The following PKD1L3 variants were observed in gnomAD, a reference collection of about 807,000 sequenced individuals.
PKD1L3 encodes the protein polycystin 1 like 3, transient receptor potential channel interacting, also known as polycystin-1-like protein 3.
Under a neutral mutation model 184.1 loss-of-function variants are expected in PKD1L3, and 239 were observed. That is an observed-to-expected ratio of 1.30 (90% CI 1.17 to 1.45). The LOEUF is 1.45. Among genes scored for constraint, PKD1L3 ranks in the 40% most tolerant of loss-of-function variants. PKD1L3 has a pLI of 0.00. For missense variants in PKD1L3, 2,660 were observed against 2,067.2 expected (o/e 1.29, Z -5.56); for synonymous variants, 996 against 778.8 (o/e 1.28, Z -4.64).
At chr16:71,980,806 G>A (rs531392684) in intron 7 of PKD1L3, among the ~76,000 whole-genome samples, 13 of 152,178 alleles carry the variant, frequency 8.5e-5, no homozygotes, top group Non-Finnish European at 1.6e-4. Context: ...CTGCACTCCA[G>A]CCTGGGCAAC....
chr16:71,952,645 G>C (rs1597310049), intron 18 of PKD1L3, among the ~76,000 whole-genome samples: 1 of 150,572 alleles, frequency 6.6e-6, no homozygotes, highest in African/African-American at 2.4e-5. Flanking sequence ...GACCAGCCTG[G>C]GTAACATGGT....
At chr16:71,979,067 A>G (rs747946090) in intron 9 of PKD1L3, among the ~76,000 whole-genome samples, 1 of 152,234 alleles carries the variant, frequency 6.6e-6, no homozygotes, top group Non-Finnish European at 1.5e-5. Flanking sequence ...TTGTCAGGTA[A>G]CTGCTGAAAG....
chr16:71,991,956 GACC>G (rs947209155), intron 3 of PKD1L3, among the ~76,000 whole-genome samples: 5 of 152,122 alleles, frequency 3.3e-5, no homozygotes, highest in South Asian at 2.1e-4. Flanking sequence ...TATAGGCATG[GACC>G]ACCACATCTA....
rs1226164938 is a variant in PKD1L3 at position 71,933,959 on chromosome 16, A to T, written c.4780T>A (p.Phe1594Ile). The T allele has an allele frequency of 6.4e-7, 1 of 1,551,568 alleles. No homozygotes were observed. Among genetic ancestry groups the T allele is most frequent in the South Asian group, 1.2e-5 (1 of 84,050 alleles). ...AGCAGGATTAGGATGATCAGCAGAA[A>T]GCCCACCACCTCGTCCCAGGCTCGG... ...LSRAWDEVVGFLLIILILLTG... is the reference protein window; with the variant it reads ...LSRAWDEVVGILLIILILLTG... The change falls in exon 27 of 30, where the codon TTT becomes ATT. Residue 1594 changes from phenylalanine (F) to isoleucine (I), a missense_variant. Phe to Ile is a conservative substitution (Grantham distance 21). Transcript: ENST00000620267.
intron 15 of PKD1L3, among the ~76,000 whole-genome samples, chr16:71,966,387 C>T (rs1177806399): frequency 6.6e-6 from 1 of 151,798 alleles, no homozygotes; most frequent in Non-Finnish European, 1.5e-5. Flanking sequence ...AGGCACATCT[C>T]ATACAGTAAT....
chr16:71,981,492 T>C (rs186455213), intron 7 of PKD1L3, among the ~76,000 whole-genome samples: 395 of 151,382 alleles, frequency 2.6e-3, no homozygotes, highest in Non-Finnish European at 4.4e-3. Flanking sequence ...ATAGCAAACA[T>C]AACCTGTTGA....
chr16:72,000,019 A>G lies in PKD1L3; in HGVS notation c.-41T>C. ...GCAAGAAAAAGTGTGGGGGTTTAGC[A>G]GCTGCCTGGTCCTTTAAATATATAT... On this transcript the variant is annotated 5_prime_UTR_variant, in exon 1 of 30. Coordinates refer to ENST00000620267, the MANE Select transcript of PKD1L3 (RefSeq NM_181536.2). 1.4e-6 allele frequency: 2 copies of G among 1,426,164 alleles called. No individual in the cohort carries two copies. Among genetic ancestry groups the G allele is most frequent in the Non-Finnish European group, 1.9e-6 (2 of 1,066,894 alleles). 88.3% of individuals were successfully genotyped at this position (1,426,164 alleles called of 1,614,324 possible). A position where few individuals can be genotyped will look rare whatever the true frequency, so the allele number is the denominator to read the frequency against.
At chr16:71,944,540 A>G (rs762045439) in intron 22 of PKD1L3, among the ~76,000 whole-genome samples, 11 of 152,036 alleles carry the variant, frequency 7.2e-5, no homozygotes, top group Non-Finnish European at 1.5e-4. Flanking sequence ...AAAATTAGCC[A>G]GGCATAGTGG....
chr16:71,992,075 C>T (rs2143856246), intron 3 of PKD1L3, among the ~76,000 whole-genome samples: 1 of 152,312 alleles, frequency 6.6e-6, no homozygotes, highest in African/African-American at 2.4e-5. Flanking sequence ...TCCAACTCAG[C>T]CTCCCACGGT....
At position 71,951,562 on chromosome 16, in the gene PKD1L3, A is replaced by AC; in HGVS notation, c.3190+1dup. 1 of 1,547,460 alleles carries AC rather than the reference A, an allele frequency of 6.5e-7. No homozygotes were observed. Among genetic ancestry groups the AC allele is most frequent in the East Asian group, 2.4e-5 (1 of 40,900 alleles). ...TCGTTACTGAAATCTACTGAAGTTT[A>AC]CCACGTGCCCAGTGGCGCTCTCCCT... On this transcript the variant is annotated splice_donor_variant, in intron 19 of 29. Transcript: ENST00000620267. LOFTEE classifies it high-confidence loss of function.
chr16:72,000,191 T>C lies in PKD1L3; in HGVS notation c.-213A>G, dbSNP rs576222454. On this transcript the variant is annotated 5_prime_UTR_variant, in exon 1 of 30. The change creates a new upstream start codon in the 5' untranslated region. Coordinates refer to ENST00000620267, the MANE Select transcript of PKD1L3 (RefSeq NM_181536.2). Reference sequence around the variant, plus strand: ...AGATCAATAAAACAATGGCCCTTTTTATCTGGGGCCCCACCATCTGTGTCT... The same window carrying C: ...AGATCAATAAAACAATGGCCCTTTTCATCTGGGGCCCCACCATCTGTGTCT... Among the ~76,000 whole-genome samples, 7 of 152,296 alleles carry C rather than the reference T, an allele frequency of 4.6e-5. No individual in the cohort carries two copies. The highest frequency in any genetic ancestry group is 1.7e-4 in the African/African-American group (7 of 41,550).
At chr16:71,981,113 G>T (rs551871532) in intron 7 of PKD1L3, among the ~76,000 whole-genome samples, 1 of 152,104 alleles carries the variant, frequency 6.6e-6, no homozygotes, top group African/African-American at 2.4e-5. Flanking sequence ...ATTCTACTTA[G>T]CCATCCATTA....
rs35509080 is a variant in PKD1L3 at position 71,941,581 on chromosome 16, C to CTT, written c.4324+977_4324+978dup. Reference sequence around the variant, plus strand: ...AGATGATAGAACATTCTATGACATTCTTTTTTTTTTTTTTTTTTTTTGAGA... The same window carrying CTT: ...AGATGATAGAACATTCTATGACATTCTTTTTTTTTTTTTTTTTTTTTTTGAGA... On this transcript the variant is annotated intron_variant, in intron 24 of 29. Transcript: ENST00000620267. Among the ~76,000 whole-genome samples, 207 of 102,186 alleles carry CTT rather than the reference C, an allele frequency of 2.0e-3. 1 individual carries two copies. The highest frequency in any genetic ancestry group is 0.01 in the Middle Eastern group (2 of 194). 67.0% of individuals were successfully genotyped at this position (102,186 alleles called of 152,430 possible).
Position 71,944,034 on chromosome 16 carries a change from A to C in PKD1L3, c.3855T>G (p.Ile1285Met). Residue 1285 changes from isoleucine (I) to methionine (M), a missense_variant, in exon 23 of 30, where the codon ATT (isoleucine) becomes ATG (methionine). Transcript: ENST00000620267. The part of the protein sequence containing the change: ...KKKLFKLTGD[I>M]LVQILFLTLL... ...GTTGCCATTTCCTCTCCATACCCAAAATATCTCCAGTCAGCTTGAAGAGTT... is the reference window on the plus strand; with the variant it reads ...GTTGCCATTTCCTCTCCATACCCAACATATCTCCAGTCAGCTTGAAGAGTT... 2 of 1,551,164 alleles carry C rather than the reference A, an allele frequency of 1.3e-6. No individual in the cohort carries two copies. The highest frequency in any genetic ancestry group is 1.7e-6 in the Non-Finnish European group (2 of 1,146,880).
chr16:71,957,409 T>A (rs920981019), intron 16 of PKD1L3, among the ~76,000 whole-genome samples: 1 of 151,810 alleles, frequency 6.6e-6, no homozygotes, highest in Non-Finnish European at 1.5e-5. Context: ...AATTAAAAGA[T>A]AGAGATTGGC....
chr16:71,947,187 G>A (rs1196316729), intron 22 of PKD1L3, among the ~76,000 whole-genome samples: 3 of 152,130 alleles, frequency 2.0e-5, no homozygotes, highest in East Asian at 3.9e-4. Flanking sequence ...AACCCAGGAG[G>A]TGGAGGTTGT....
At chr16:71,945,381 CACATAT>C (rs1567498668) in intron 22 of PKD1L3, among the ~76,000 whole-genome samples, 1 of 62,096 alleles carries the variant, frequency 1.6e-5, no homozygotes, top group African/African-American at 6.1e-5. Flanking sequence ...CACGCACACA[CACATAT>C]ATATATATAT....
At chr16:71,959,795 G>C (rs1294885322) in intron 16 of PKD1L3, among the ~76,000 whole-genome samples, 1 of 152,096 alleles carries the variant, frequency 6.6e-6, no homozygotes, top group Non-Finnish European at 1.5e-5. Flanking sequence ...AAAATACAAT[G>C]TATAGTTTCT....
intron 1 of PKD1L3, among the ~76,000 whole-genome samples, chr16:71,999,054 G>A (rs1000334233): frequency 1.1e-4 from 17 of 151,902 alleles, no homozygotes; most frequent in African/African-American, 1.4e-4. Context: ...GGCGGATCAC[G>A]AGGTCAGGAG....
Sources: gnomAD v4.1 joint callset for allele counts (sites outside exome capture counted in the v4.1 genomes callset) on GRCh38, gnomAD v4.1.1 for gene constraint, MANE v1.5 for transcripts, NCBI Gene and HGNC (gene_info 2026-07-23, HGNC 2026-07-21) for gene names.